Variants in SLFN11 observed in about 807,000 individuals in gnomAD.
The protein encoded by SLFN11 is schlafen family member 11.
SLFN11 carries 43 observed loss-of-function variants against 53.4 expected under a neutral mutation model. The ratio of observed to expected loss-of-function variants is 0.80; its 90% CI spans 0.63 to 1.04. SLFN11 has a LOEUF of 1.04. SLFN11 is among the 50% of genes least tolerant of loss of function. The pLI is 0.00. For synonymous variants in SLFN11, 389 were observed against 394.7 expected (o/e 0.99, Z 0.17); for missense variants, 990 against 1,079.1 (o/e 0.92, Z 1.16).
intron 5 of SLFN11, among the ~76,000 whole-genome samples, chr17:35,357,188 A>G (rs1157790240): frequency 6.9e-6 from 1 of 144,126 alleles, no homozygotes; most frequent in Non-Finnish European, 1.5e-5. Context: ...CTGTGTCCTT[A>G]TCAACTTCTG....
chr17:35,363,223 T>C lies in SLFN11; in HGVS notation c.585A>G (p.Gln195=), dbSNP rs1011310625. The C allele has an allele frequency of 6.2e-7, 1 of 1,614,092 alleles. No individual in the cohort carries two copies. Among genetic ancestry groups the C allele is most frequent in the South Asian group, 1.1e-5 (1 of 91,078 alleles). The change falls in exon 4 of 7, where the codon CAA becomes CAG. Residue 195 remains glutamine, a synonymous_variant. Coordinates refer to ENST00000685675, the MANE Select transcript of SLFN11 (RefSeq NM_001376007.1). The part of the protein sequence containing the change: ...PNSDPADLIF[Q]KDYLEYGEIL... Reference sequence around the variant, plus strand: ...TTTCACCATATTCAAGATAGTCTTTTTGGAAAATTAGGTCAGCAGGATCCG... The same window carrying C: ...TTTCACCATATTCAAGATAGTCTTTCTGGAAAATTAGGTCAGCAGGATCCG...
chr17:35,371,412 C>A (rs1469912396), intron 1 of SLFN11, among the ~76,000 whole-genome samples: 1 of 151,996 alleles, frequency 6.6e-6, no homozygotes, highest in Non-Finnish European at 1.5e-5. Flanking sequence ...TTGATCTGAG[C>A]AAAAATTCAT....
At position 35,360,135 on chromosome 17, in the gene SLFN11, T is replaced by C. The variant is rs1908015206; in HGVS notation, c.1198+108A>G. ...TTGTAACATCATCACGTCTTACAAA[T>C]GGGTTTGCAGAGCACTTTCAGGATT... On this transcript the variant is annotated intron_variant, in intron 5 of 6. Coordinates refer to ENST00000685675, the MANE Select transcript of SLFN11 (RefSeq NM_001376007.1). The C allele has an allele frequency of 5.2e-6, 6 of 1,147,246 alleles. No homozygotes were observed. The East Asian group carries it at 1.2e-4, about 23-fold the overall frequency. The allele number at this position is 1,147,246 out of a possible 1,614,324, so 71.1% of individuals were successfully genotyped here.
At chr17:35,360,874 G>A (rs561849119) in intron 4 of SLFN11, among the ~76,000 whole-genome samples, 34 of 152,234 alleles carry the variant, frequency 2.2e-4, no homozygotes, top group African/African-American at 7.5e-4. Context: ...AGAGACTGAA[G>A]TGAGAGGATC....
At chr17:35,373,178 G>A (rs930092926) in intron 1 of SLFN11, among the ~76,000 whole-genome samples, 7 of 152,022 alleles carry the variant, frequency 4.6e-5, no homozygotes, top group African/African-American at 1.7e-4. Context: ...CAGAAACCGC[G>A]GCTGGCTGGC....
At chr17:35,354,790 G>T (rs1405940962) in intron 5 of SLFN11, among the ~76,000 whole-genome samples, 2 of 152,144 alleles carry the variant, frequency 1.3e-5, no homozygotes, top group African/African-American at 4.8e-5. Context: ...GTGGGAGGGG[G>T]AGGAAGATAA....
Position 35,352,090 on chromosome 17 carries a change from C to T in SLFN11, c.*266G>A, listed in dbSNP as rs1906746600. On this transcript the variant is annotated 3_prime_UTR_variant, in exon 7 of 7. Transcript: ENST00000685675. ...TTTACCCAAAATGCAAGACACAGAT[C>T]GGCATTGTGCAGGACAGCTAAAGTT... The T allele has an allele frequency of 1.8e-5, 8 of 454,678 alleles. No individual in the cohort carries two copies. The South Asian group carries it at 2.5e-4, about 14-fold the overall frequency. The allele number at this position is 454,678 out of a possible 1,614,324, so 28.2% of individuals were successfully genotyped here.
intron 4 of SLFN11, among the ~76,000 whole-genome samples, chr17:35,360,704 G>A (rs62079547): frequency 0.025 from 3,858 of 152,126 alleles, 65 homozygotes; most frequent in South Asian, 0.052. Context: ...CATGTATCTT[G>A]TTTTACATCC....
At position 35,350,962 on chromosome 17, in the gene SLFN11, C is replaced by T. The variant is rs956493195; in HGVS notation, c.*1394G>A. Reference sequence around the variant, plus strand: ...AGACTGAAAAGCAAATAAATAATTGCATTAGCATTGTTAAGTATCAGTGTT... The same window carrying T: ...AGACTGAAAAGCAAATAAATAATTGTATTAGCATTGTTAAGTATCAGTGTT... On this transcript the variant is annotated 3_prime_UTR_variant, in exon 7 of 7. Coordinates refer to ENST00000685675, the MANE Select transcript of SLFN11 (RefSeq NM_001376007.1). 1 of 152,180 alleles carries T rather than the reference C, an allele frequency of 6.6e-6. No individual in the cohort carries two copies. Among genetic ancestry groups the T allele is most frequent in the African/African-American group, 2.4e-5 (1 of 41,434 alleles). The allele number at this position is 152,180 out of a possible 1,614,324, so 9.4% of individuals were successfully genotyped here.
At position 35,354,065 on chromosome 17, in the gene SLFN11, T is replaced by C. The variant is rs749747604; in HGVS notation, c.1199-6A>G. The C allele has an allele frequency of 1.9e-6, 3 of 1,575,672 alleles. No homozygotes were observed. In the South Asian group the frequency reaches 3.5e-5, roughly 18 times the overall value. On this transcript the variant is annotated splice_region_variant and splice_polypyrimidine_tract_variant and intron_variant, in intron 5 of 6. Coordinates refer to ENST00000685675, the MANE Select transcript of SLFN11 (RefSeq NM_001376007.1). The stretch of plus-strand genomic sequence containing the variant: ...TCGCAAATATCCTGGTGGGACTGTA[T>C]GTGAAAAGAATGATAAATTAGAGGA...
chr17:35,353,840 T>C lies in SLFN11; in HGVS notation c.1418A>G (p.Tyr473Cys), dbSNP rs374964852. ...LIAQNSTPIL[Y>C]TILREQDAEG... ...TGCATCTTGCTCCCTGAGAATGGTG[T>C]AGAGAATGGGGGTGCTGTTCTGTGC... Residue 473 changes from tyrosine (Y) to cysteine (C), a missense_variant, in exon 6 of 7, where the codon TAC becomes TGC. Transcript: ENST00000685675. 2 of 1,605,412 alleles carry C rather than the reference T, an allele frequency of 1.2e-6. No individual in the cohort carries two copies. The highest frequency in any genetic ancestry group is 2.7e-5 in the African/African-American group (2 of 74,082).
intron 3 of SLFN11, among the ~76,000 whole-genome samples, chr17:35,364,970 T>G (rs1217100285): frequency 6.6e-6 from 1 of 151,954 alleles, no homozygotes; most frequent in Non-Finnish European, 1.5e-5. Context: ...AAGAATCTTA[T>G]TAAGATGGGA....
At chr17:35,372,361 A>T (rs1204656935) in intron 1 of SLFN11, among the ~76,000 whole-genome samples, 1 of 151,994 alleles carries the variant, frequency 6.6e-6, no homozygotes. Flanking sequence ...AATGGGTACA[A>T]AAAAATTAGA....
At chr17:35,371,874 A>T (rs908085292) in intron 1 of SLFN11, among the ~76,000 whole-genome samples, 5 of 152,124 alleles carry the variant, frequency 3.3e-5, no homozygotes, top group Admixed American at 2.6e-4. Flanking sequence ...TGTTGGTGGG[A>T]ATGTAAATTA....
At chr17:35,363,875 G>A (rs1057276065) in intron 3 of SLFN11, 49 bp from the exon 4 acceptor site, 20 of 1,413,816 alleles carry the variant, frequency 1.4e-5, no homozygotes, top group Non-Finnish European at 1.8e-5. Flanking sequence ...TTTATTAAAA[G>A]GGTATTTATT....
chr17:35,350,599 G>A lies in SLFN11; in HGVS notation c.*1757C>T, dbSNP rs1164135812. On this transcript the variant is annotated 3_prime_UTR_variant, in exon 7 of 7. Transcript: ENST00000685675. ...GGGATCTTATAAGACTAATTTATTA[G>A]TAACAACATTTACAAAGATAGCTTT... is the stretch of plus-strand genomic sequence containing the variant. 1.3e-5 allele frequency: 2 copies of A among 152,174 alleles called. No individual in the cohort carries two copies. The highest frequency in any genetic ancestry group is 3.8e-4 in the East Asian group (2 of 5,202). The allele number at this position is 152,174 out of a possible 1,614,324, so 9.4% of individuals were successfully genotyped here. A position where few individuals can be genotyped will look rare whatever the true frequency, so the allele number is the denominator to read the frequency against.
At chr17:35,363,903 T>C in intron 3 of SLFN11, 77 bp from the exon 4 acceptor site, 1 of 1,185,024 alleles carries the variant, frequency 8.4e-7, no homozygotes, top group Non-Finnish European at 1.2e-6. Context: ...TAATATGTGC[T>C]GAGAGAAGAC....
chr17:35,355,523 C>T (rs2141936288), intron 5 of SLFN11, among the ~76,000 whole-genome samples: 1 of 152,242 alleles, frequency 6.6e-6, no homozygotes. Context: ...CCCTGCCCTG[C>T]AAGTCACAGA....
intron 3 of SLFN11, among the ~76,000 whole-genome samples, chr17:35,365,490 C>A (rs1908851290): frequency 6.6e-6 from 1 of 151,964 alleles, no homozygotes. Flanking sequence ...ATGGGGGTCT[C>A]CCCATGTTGC....
Sources: allele counts gnomAD v4.1 joint callset (sites outside exome capture counted in the v4.1 genomes callset), GRCh38; gene constraint gnomAD v4.1.1; transcripts MANE v1.5; gene names NCBI Gene and HGNC (gene_info 2026-07-23, HGNC 2026-07-21).